Variants in ARHGEF10 observed in about 807,000 individuals in gnomAD.
ARHGEF10 encodes Rho guanine nucleotide exchange factor (GEF) 10.
ARHGEF10 carries 140 observed loss-of-function variants against 147.4 expected under a neutral mutation model. The ratio of observed to expected loss-of-function variants is 0.95; its 90% confidence interval spans 0.83 to 1.09. ARHGEF10 has a LOEUF of 1.09. ARHGEF10 is among the 50% of genes least tolerant of loss of function. The probability of loss-of-function intolerance (pLI) is 0.00; values close to 1 mark genes in which losing one functional copy is unlikely to be tolerated. For synonymous variants in ARHGEF10, 902 were observed against 695.8 expected, an observed-to-expected ratio of 1.30 and a Z score of -4.67; for missense variants, 2,222 against 1,752.7, an observed-to-expected ratio of 1.27 and a Z score of -4.78.
chr8:1,887,664 C>T (rs1163671708), intron 11 of ARHGEF10, among the ~76,000 whole-genome samples: 2 of 148,384 alleles, frequency 1.3e-5, no homozygotes, highest in African/African-American at 2.5e-5. Context: ...TGAGGAGACA[C>T]TGAGTGCAAT....
At chr8:1,949,645 T>A (rs951648212) in intron 27 of ARHGEF10, among the ~76,000 whole-genome samples, 1 of 151,430 alleles carries the variant, frequency 6.6e-6, no homozygotes, top group East Asian at 1.9e-4. Context: ...TGTGACCAAA[T>A]AAAATGGCCA....
At position 1,893,589 on chromosome 8, in the gene ARHGEF10, G is replaced by A. The variant is rs748881544; in HGVS notation, c.1203G>A (p.Leu401=). ...AACAGGTTGTAAGAAGATATATACT[G>A]GGTTCAGTTGTCGACAGTGAAAAGA... ...SQQQVVRRYI[L]GSVVDSEKNY... The change falls in exon 12 of 29, where the codon CTG becomes CTA. Residue 401 remains leucine (L), a synonymous_variant. Coordinates refer to ENST00000349830, the MANE Select transcript of ARHGEF10 (RefSeq NM_014629.4). 1 of 1,613,488 alleles carries A rather than the reference G, an allele frequency of 6.2e-7. No individual in the cohort carries two copies. The highest frequency in any genetic ancestry group is 8.5e-7 in the Non-Finnish European group (1 of 1,179,566).
In ARHGEF10 at chr8:1,858,122, T is replaced by C. The variant is rs76522101; in HGVS notation, c.193+7T>C. On this transcript the variant is annotated splice_region_variant and intron_variant, in intron 3 of 28. Transcript: ENST00000349830. ...GAAGCCCCTGCACCCACAGGTGAGT[T>C]TCCAGGAGGGTCCCCAGGTGAGTCC... The C allele has an allele frequency of 4.2e-6, 6 of 1,440,264 alleles. No homozygotes were observed. The highest frequency in any genetic ancestry group is 3.7e-6 in the Non-Finnish European group (4 of 1,081,428). The allele number at this position is 1,440,264 out of a possible 1,614,324, so 89.2% of individuals were successfully genotyped here. A position where few individuals can be genotyped will look rare whatever the true frequency, so the allele number is the denominator to read the frequency against.
At chr8:1,903,753 CT>C in intron 16 of ARHGEF10, 1 of 448,550 alleles carries the variant, frequency 2.2e-6, no homozygotes. Context: ...CTTACTTTTC[CT>C]TTCAAAATAA....
At chr8:1,954,952 C>T (rs913577004) in intron 28 of ARHGEF10, among the ~76,000 whole-genome samples, 35 of 148,624 alleles carry the variant, frequency 2.4e-4, no homozygotes, top group African/African-American at 2.8e-4. Flanking sequence ...GATGGATAGC[C>T]AGGTGCTCCC....
chr8:1,838,714 G>A (rs117299306), intron 1 of ARHGEF10, among the ~76,000 whole-genome samples: 2,227 of 152,378 alleles, frequency 0.015, 88 homozygotes, highest in East Asian at 0.095. Flanking sequence ...GCCATCTGGC[G>A]TGGAGGCCGT....
In ARHGEF10 at chr8:1,945,470, C is replaced by G. The variant is rs766181358; in HGVS notation, c.3223-11C>G. 1 of 1,580,934 alleles carries G rather than the reference C, an allele frequency of 6.3e-7. No homozygotes were observed. Among genetic ancestry groups the G allele is most frequent in the East Asian group, 2.4e-5 (1 of 42,524 alleles). On this transcript the variant is annotated splice_polypyrimidine_tract_variant and intron_variant, in intron 26 of 28. Transcript: ENST00000349830. ...CACGGGGCTAGCAGACTTGACCTCT[C>G]GATTTCACAGGGTCAGCTGGAGGCC... is the stretch of plus-strand genomic sequence containing the variant.
Position 1,905,637 on chromosome 8 carries a change from AGAG to A in ARHGEF10, c.1892_1894del (p.Gly631del), listed in dbSNP as rs1563264501. On this transcript the variant is annotated inframe_deletion, in exon 17 of 29. Coordinates refer to ENST00000349830, the MANE Select transcript of ARHGEF10 (RefSeq NM_014629.4). ...TATGATAGAAACAGTTTACAACGAC[AGAG>A]GAGAGATTGTTAAAACCAAAGAACG... The A allele has an allele frequency of 6.2e-7, 1 of 1,614,224 alleles. No homozygotes were observed. Among genetic ancestry groups the A allele is most frequent in the South Asian group, 1.1e-5 (1 of 91,078 alleles).
intron 22 of ARHGEF10, 107 bp downstream of exon 22, chr8:1,925,511 C>T: frequency 4.1e-6 from 6 of 1,465,926 alleles, no homozygotes; most frequent in Non-Finnish European, 4.7e-6. Context: ...ATGGTCCTCC[C>T]AGGTTCACCA....
chr8:1,850,694 C>T (rs1014157975), intron 2 of ARHGEF10, among the ~76,000 whole-genome samples: 11 of 152,112 alleles, frequency 7.2e-5, no homozygotes, highest in East Asian at 3.9e-4. Flanking sequence ...CATGCCCCGG[C>T]GTATTTATTT....
At chr8:1,877,781 T>C (rs1411782516) in intron 8 of ARHGEF10, among the ~76,000 whole-genome samples, 4 of 151,990 alleles carry the variant, frequency 2.6e-5, no homozygotes, top group Admixed American at 1.3e-4. Context: ...TCTACAGTGA[T>C]GTCTGTGTAC....
Position 1,880,767 on chromosome 8 carries a change from C to G in ARHGEF10, c.960+603C>G, listed in dbSNP as rs549866749. ...AAAAGGGCACTGTCAAGTACTGTTT[C>G]CTGCAATTGGACCTTTTATCCTGCT... On this transcript the variant is annotated intron_variant, in intron 9 of 28. Coordinates refer to ENST00000349830, the MANE Select transcript of ARHGEF10 (RefSeq NM_014629.4). Among the ~76,000 whole-genome samples, 3 of 152,280 alleles carry G rather than the reference C, an allele frequency of 2.0e-5. No individual in the cohort carries two copies. In the South Asian group the frequency reaches 6.2e-4, roughly 32 times the overall value.
At position 1,879,051 on chromosome 8, in the gene ARHGEF10, A is replaced by C. The variant is rs1468908157; in HGVS notation, c.844-997A>C. Among the ~76,000 whole-genome samples the C allele has an allele frequency of 7.9e-5, 12 of 152,212 alleles. No homozygotes were observed. The East Asian group carries it at 2.3e-3, about 29-fold the overall frequency. On this transcript the variant is annotated intron_variant, in intron 8 of 28. Transcript: ENST00000349830. ...GGCAGCACCAAGTTTTCTCGTTCAA[A>C]GGGTCACATTTTAAAAACGACCAAA...
chr8:1,925,436 G>A (rs2129217275), intron 22 of ARHGEF10, 32 bp downstream of exon 22: 1 of 1,612,606 alleles, frequency 6.2e-7, no homozygotes, highest in East Asian at 2.2e-5. Flanking sequence ...GGCCCGGGGT[G>A]GGACGCACCT....
At chr8:1,935,206 C>G (rs760161097) in intron 26 of ARHGEF10, among the ~76,000 whole-genome samples, 1 of 152,018 alleles carries the variant, frequency 6.6e-6, no homozygotes, top group Non-Finnish European at 1.5e-5. Context: ...CTCCCACACA[C>G]GCACACCCCC....
At chr8:1,951,741 A>G (rs1431003918) in intron 27 of ARHGEF10, among the ~76,000 whole-genome samples, 1 of 152,252 alleles carries the variant, frequency 6.6e-6, no homozygotes, top group Admixed American at 6.5e-5. Context: ...TAAACAGAGA[A>G]ACACTGGGGA....
chr8:1,930,866 G>C (rs142174256), intron 25 of ARHGEF10, among the ~76,000 whole-genome samples: 1 of 152,188 alleles, frequency 6.6e-6, no homozygotes, highest in Non-Finnish European at 1.5e-5. Context: ...CTCCTGTCTC[G>C]TCCCTCAGCC....
chr8:1,901,861 A>C (rs1585465618), intron 15 of ARHGEF10, among the ~76,000 whole-genome samples: 1 of 152,246 alleles, frequency 6.6e-6, no homozygotes, highest in East Asian at 1.9e-4. Flanking sequence ...GAAACATTTA[A>C]TCATTTATGC....
chr8:1,908,293 C>T (rs1185121224), intron 17 of ARHGEF10, among the ~76,000 whole-genome samples: 4 of 143,218 alleles, frequency 2.8e-5, no homozygotes, highest in Non-Finnish European at 4.5e-5. Flanking sequence ...TGCTGTGGCT[C>T]GATCTCAGCT....
Sources: allele counts gnomAD v4.1 joint callset (sites outside exome capture counted in the v4.1 genomes callset), GRCh38; gene constraint gnomAD v4.1.1; transcripts MANE v1.5; gene names NCBI Gene and HGNC (gene_info 2026-07-23, HGNC 2026-07-21).